The following DUSP16 variants were observed in gnomAD, a reference collection of about 807,000 sequenced individuals.
DUSP16 encodes dual specificity protein phosphatase 16.
A neutral mutation model predicts 58.3 loss-of-function variants in DUSP16; 21 were observed. That is an observed-to-expected ratio of 0.36 (90% CI 0.26 to 0.52). The LOEUF is 0.52. DUSP16 is among the 20% of genes least tolerant of loss of function. DUSP16 has a pLI of 0.94. For missense variants in DUSP16, 726 were observed against 819.0 expected, an observed-to-expected ratio of 0.89 and a Z score of 1.39; for synonymous variants, 320 against 323.8, an observed-to-expected ratio of 0.99 and a Z score of 0.12.
intron 1 of DUSP16, among the ~76,000 whole-genome samples, chr12:12,558,825 T>C (rs1190270460): frequency 2.0e-5 from 3 of 152,330 alleles, no homozygotes; most frequent in African/African-American, 7.2e-5. Context: ...CTTATTCCTC[T>C]TTCCTTTCAT....
chr12:12,497,110 AT>A (rs1435634121), intron 4 of DUSP16, among the ~76,000 whole-genome samples: 3 of 152,236 alleles, frequency 2.0e-5, no homozygotes, highest in Non-Finnish European at 4.4e-5. Context: ...AGACTGTAAA[AT>A]ATCTCAGTAA....
intron 3 of DUSP16, among the ~76,000 whole-genome samples, chr12:12,501,408 G>C (rs182460791): frequency 6.6e-6 from 1 of 152,126 alleles, no homozygotes; most frequent in Non-Finnish European, 1.5e-5. Flanking sequence ...TTCTAGTCCT[G>C]TCCTTACAAT....
chr12:12,498,946 G>A (rs1055085923), intron 4 of DUSP16, among the ~76,000 whole-genome samples: 2 of 152,022 alleles, frequency 1.3e-5, no homozygotes, highest in African/African-American at 4.8e-5. Context: ...GCTTAGTGCT[G>A]TATATGTTTA....
chr12:12,509,510 G>A (rs1323224110), intron 3 of DUSP16, among the ~76,000 whole-genome samples: 3 of 151,618 alleles, frequency 2.0e-5, no homozygotes, highest in Non-Finnish European at 1.5e-5. Context: ...ACTTCCTTGA[G>A]CAGCGTATCT....
chr12:12,486,947 GAA>G (rs1346779934), intron 5 of DUSP16, 79 bp downstream of exon 5: 47 of 1,533,850 alleles, frequency 3.1e-5, no homozygotes, highest in Non-Finnish European at 3.9e-5. Context: ...TTTCTCTAAA[GAA>G]AAAATGGGGG....
intron 4 of DUSP16, among the ~76,000 whole-genome samples, chr12:12,490,282 TA>T (rs1943743225): frequency 6.6e-6 from 1 of 152,210 alleles, no homozygotes; most frequent in South Asian, 2.1e-4. Context: ...GCTTTATTTA[TA>T]AAATTTTTAG....
intron 1 of DUSP16, among the ~76,000 whole-genome samples, chr12:12,543,892 C>G (rs138736101): frequency 1.5e-4 from 23 of 151,170 alleles, no homozygotes; most frequent in African/African-American, 5.6e-4. Context: ...TCCCTTACAG[C>G]ATTGATAATA....
At chr12:12,478,114 C>T (rs1422063439) in intron 6 of DUSP16, 99 bp from the exon 7 acceptor site, 9 of 1,125,176 alleles carry the variant, frequency 8.0e-6, no homozygotes, top group East Asian at 4.8e-5. Context: ...TCAGGCAGAC[C>T]TCAAAAACTT....
intron 1 of DUSP16, among the ~76,000 whole-genome samples, chr12:12,556,874 C>T (rs1944813684): frequency 2.0e-5 from 3 of 152,182 alleles, no homozygotes; most frequent in African/African-American, 7.2e-5. Flanking sequence ...GGTGTCATCC[C>T]TTACCCTATT....
chr12:12,497,557 G>A (rs1038418519), intron 4 of DUSP16, among the ~76,000 whole-genome samples: 1 of 151,880 alleles, frequency 6.6e-6, no homozygotes, highest in African/African-American at 2.4e-5. Context: ...CCTATTATGA[G>A]GGTTAAATGC....
rs541860381 is a variant in DUSP16, at chr12:12,500,075, C to T, written c.531+444G>A. 7.2e-5 allele frequency among the ~76,000 whole-genome samples: 11 copies of T among 152,148 alleles called. No homozygotes were observed. The East Asian group carries it at 2.1e-3, about 29-fold the overall frequency. On this transcript the variant is annotated intron_variant, in intron 4 of 6. Coordinates refer to ENST00000298573, the MANE Select transcript of DUSP16 (RefSeq NM_030640.3). ...TCACCATCTTTTTAACACCTTTCCC[C>T]ACCCCCAGCCAGCAGTCATCATGAG...
intron 1 of DUSP16, among the ~76,000 whole-genome samples, chr12:12,546,091 AAAAT>A (rs1166441901): frequency 6.6e-6 from 1 of 152,254 alleles, no homozygotes; most frequent in Non-Finnish European, 1.5e-5. Flanking sequence ...TTTCCCATGC[AAAAT>A]AAATGGATAA....
At chr12:12,512,250 T>C (rs566520087) in intron 3 of DUSP16, among the ~76,000 whole-genome samples, 1 of 152,176 alleles carries the variant, frequency 6.6e-6, no homozygotes, top group Non-Finnish European at 1.5e-5. Context: ...TTTATCTGTT[T>C]AAGGTGTACA....
rs78862802 is a variant in DUSP16, at chr12:12,528,133, C to A, written c.-365-6670G>T. Among the ~76,000 whole-genome samples the A allele has an allele frequency of 3.4e-3, 515 of 152,288 alleles. 3 individuals carry two copies. Among genetic ancestry groups the A allele is most frequent in the African/African-American group, 0.012 (483 of 41,550 alleles). The stretch of plus-strand genomic sequence containing the variant: ...TGATCACCTGTTTCACCCGCTTCCC[C>A]TTCCCTGACCCACCTGAGCTCTCCT... On this transcript the variant is annotated intron_variant, in intron 1 of 6. Transcript: ENST00000298573.
chr12:12,490,852 CCTGA>C (rs1401508072), intron 4 of DUSP16, among the ~76,000 whole-genome samples: 2 of 152,196 alleles, frequency 1.3e-5, no homozygotes, highest in Non-Finnish European at 2.9e-5. Context: ...TTCCAAAACA[CCTGA>C]CTTAGGTCAC....
chr12:12,553,841 G>A lies in DUSP16; in HGVS notation c.-366+8276C>T, dbSNP rs80067430. Among the ~76,000 whole-genome samples, 1,075 of 152,162 alleles carry A rather than the reference G, an allele frequency of 7.1e-3. 14 individuals are homozygous for A. Among genetic ancestry groups the A allele is most frequent in the African/African-American group, 0.022 (901 of 41,520 alleles). On this transcript the variant is annotated intron_variant, in intron 1 of 6. Transcript: ENST00000298573. ...TGAGCCACCATGCCTGGCCTCTTAC[G>A]ATGTGTCTATGAAATTTTCCTTATT...
chr12:12,485,167 G>A (rs574955355), intron 5 of DUSP16, among the ~76,000 whole-genome samples: 2 of 151,916 alleles, frequency 1.3e-5, no homozygotes, highest in African/African-American at 2.4e-5. Context: ...GTGCCACTAC[G>A]CCCAGCTAAT....
At chr12:12,558,032 G>A (rs1249565627) in intron 1 of DUSP16, among the ~76,000 whole-genome samples, 1 of 152,194 alleles carries the variant, frequency 6.6e-6, no homozygotes, top group African/African-American at 2.4e-5. Context: ...ACCTGAATTT[G>A]GCACTTGCCA....
At chr12:12,478,615 T>C (rs112380833) in intron 6 of DUSP16, among the ~76,000 whole-genome samples, 9,791 of 152,112 alleles carry the variant, frequency 0.064, 450 homozygotes, top group East Asian at 0.19. Context: ...GGACTACAGG[T>C]GTGAGCCACC....
Sources: gnomAD v4.1 joint callset for allele counts (sites outside exome capture counted in the v4.1 genomes callset) on GRCh38, gnomAD v4.1.1 for gene constraint, MANE v1.5 for transcripts, NCBI Gene and HGNC (gene_info 2026-07-23, HGNC 2026-07-21) for gene names.